DLGAP4: variants seen among roughly 807,000 people sequenced by gnomAD.
The protein encoded by DLGAP4 is disks large-associated protein 4.
A neutral mutation model predicts 86.9 loss-of-function variants in DLGAP4; 18 were observed. The ratio of observed to expected loss-of-function variants is 0.21; its 90% CI spans 0.14 to 0.31. The LOEUF (loss-of-function observed/expected upper bound fraction) is 0.31. DLGAP4 is among the 10% of genes least tolerant of loss of function. DLGAP4 has a pLI of 1.00. For synonymous variants in DLGAP4, 548 were observed against 574.3 expected (o/e 0.95, Z 0.65); for missense variants, 1,085 against 1,362.6 (o/e 0.80, Z 3.21).
At chr20:36,380,625 GAGAGAGAGAGAGAGAGAGAGAGAGAGA>G (rs1569479305) in intron 2 of DLGAP4, among the ~76,000 whole-genome samples, 4 of 92,878 alleles carry the variant, frequency 4.3e-5, no homozygotes, top group Non-Finnish European at 9.1e-5. Context: ...GAGAGAGAGA[GAGAGAGAGAGAGAGAGAGAGAGAGAGA>G]GAGAGAGAGA....
intron 7 of DLGAP4, among the ~76,000 whole-genome samples, chr20:36,490,735 G>A (rs986642867): frequency 1.3e-5 from 2 of 152,194 alleles, no homozygotes; most frequent in African/African-American, 4.8e-5. Context: ...GCAGGCATGA[G>A]GCCCGTGTTA....
chr20:36,344,725 T>TG, intron 1 of DLGAP4, among the ~76,000 whole-genome samples: 1 of 152,224 alleles, frequency 6.6e-6, no homozygotes, highest in East Asian at 1.9e-4. Context: ...CAGCTCCCAG[T>TG]GGACCTGGGC....
chr20:36,378,685 T>C (rs1266214185), intron 2 of DLGAP4, among the ~76,000 whole-genome samples: 1 of 151,862 alleles, frequency 6.6e-6, no homozygotes, highest in Non-Finnish European at 1.5e-5. Context: ...AGTCTGGAGT[T>C]GCCCTCTGCT....
At chr20:36,459,536 A>T (rs2033966847) in intron 7 of DLGAP4, among the ~76,000 whole-genome samples, 1 of 152,090 alleles carries the variant, frequency 6.6e-6, no homozygotes, top group South Asian at 2.1e-4. Flanking sequence ...ATGCCACCAC[A>T]CCCAGCTAAT....
In DLGAP4 at chr20:36,432,641, G is replaced by T; in HGVS notation, c.924G>T (p.Lys308Asn). ...GCCACGCCCACGAGGTCTGCCAGAA[G>T]ACCTCAGCCACCTTGGATAAGAGCC... ...TLSHAHEVCQ[K>N]TSATLDKSLL... Residue 308 changes from lysine to asparagine, a missense_variant, in exon 3 of 13, where the codon AAG becomes AAT. Coordinates refer to ENST00000339266, the MANE Select transcript of DLGAP4 (RefSeq NM_001365621.2). This position sits in a 1 kb window ranked among gnomAD's most constrained non-coding sequence, Gnocchi z 6.5. The T allele has an allele frequency of 6.2e-7, 1 of 1,613,148 alleles. No homozygotes were observed. The highest frequency in any genetic ancestry group is 8.5e-7 in the Non-Finnish European group (1 of 1,179,698).
intron 1 of DLGAP4, among the ~76,000 whole-genome samples, chr20:36,318,108 A>T (rs1244375645): frequency 0.023 from 81 of 3,486 alleles, no homozygotes; most frequent in Non-Finnish European, 0.15. Context: ...GTGTCCTCTC[A>T]CACACACACA....
chr20:36,462,615 T>C (rs1468992926), intron 7 of DLGAP4: 25 of 1,589,316 alleles, frequency 1.6e-5, no homozygotes, highest in Admixed American at 1.8e-5. Context: ...TGGTGGGGTG[T>C]CCGGGTCGGG....
At chr20:36,409,034 C>CT (rs35210861) in intron 2 of DLGAP4, among the ~76,000 whole-genome samples, 59,476 of 111,214 alleles carry the variant, frequency 0.53, 17,068 homozygotes, top group South Asian at 0.6. Flanking sequence ...AAATAAAAGG[C>CT]TTTTTTTTTT....
chr20:36,360,209 A>C (rs2030468861), intron 1 of DLGAP4, among the ~76,000 whole-genome samples: 1 of 152,342 alleles, frequency 6.6e-6, no homozygotes, highest in Non-Finnish European at 1.5e-5. Context: ...CACTGAGGCC[A>C]GTTGTCCAAG....
intron 2 of DLGAP4, among the ~76,000 whole-genome samples, chr20:36,382,714 G>C (rs1159864201): frequency 1.3e-5 from 2 of 151,694 alleles, no homozygotes; most frequent in Non-Finnish European, 2.9e-5. Context: ...ATTTTTAGTA[G>C]AGACAGGGTT....
intron 2 of DLGAP4, among the ~76,000 whole-genome samples, chr20:36,379,337 G>C (rs545179492): frequency 2.6e-5 from 4 of 152,200 alleles, no homozygotes; most frequent in Non-Finnish European, 5.9e-5. Context: ...CTGTCAGGGG[G>C]AAGAGATGGA....
intron 2 of DLGAP4, among the ~76,000 whole-genome samples, chr20:36,420,976 AG>A (rs1318236923): frequency 6.6e-6 from 1 of 151,744 alleles, no homozygotes; most frequent in Non-Finnish European, 1.5e-5. Flanking sequence ...CTCTGTCTCA[AG>A]AAAAAAAAAA....
At chr20:36,430,798 T>C (rs555931547) in intron 2 of DLGAP4, among the ~76,000 whole-genome samples, 1 of 151,034 alleles carries the variant, frequency 6.6e-6, no homozygotes, top group Non-Finnish European at 1.5e-5. Context: ...CTACTAAAAA[T>C]ACAAAAATTA....
Position 36,432,226 on chromosome 20 carries a change from A to C in DLGAP4, c.509A>C (p.Lys170Thr). Residue 170 changes from lysine to threonine, a missense_variant, in exon 3 of 13, where the codon AAG (lysine) becomes ACG (threonine). Physicochemically the swap from Lys to Thr is moderately conservative, Grantham distance 78. Around this residue, in one of 2 missense-constraint regions of DLGAP4, gnomAD observed 1,082 missense variants for 1,344.1 expected, o/e 0.81. Coordinates refer to ENST00000339266, the MANE Select transcript of DLGAP4 (RefSeq NM_001365621.2). The surrounding 1 kb of genome is among the most constrained non-coding windows in gnomAD (Gnocchi z 6.5). Reference protein sequence around the residue: ...TAGKVGGNGSKKGGMEDGKGR... With the variant: ...TAGKVGGNGSTKGGMEDGKGR... ...GGCAAGGTCGGTGGCAATGGCAGCA[A>C]GAAGGGTGGCATGGAGGACGGCAAG... The C allele has an allele frequency of 6.2e-7, 1 of 1,613,976 alleles. No homozygotes were observed. Among genetic ancestry groups the C allele is most frequent in the Non-Finnish European group, 8.5e-7 (1 of 1,179,982 alleles).
At chr20:36,404,656 T>C (rs996871287) in intron 2 of DLGAP4, among the ~76,000 whole-genome samples, 2 of 152,202 alleles carry the variant, frequency 1.3e-5, no homozygotes, top group African/African-American at 4.8e-5. Flanking sequence ...ATAGATGGTG[T>C]TTCTGTGTGT....
chr20:36,519,159 G>C (rs2037218409), intron 10 of DLGAP4, among the ~76,000 whole-genome samples: 1 of 151,706 alleles, frequency 6.6e-6, no homozygotes, highest in Non-Finnish European at 1.5e-5. Context: ...CACTCCTGTA[G>C]TCCTAGCTAC....
At chr20:36,496,680 C>CT in intron 7 of DLGAP4, 25 bp from the exon 8 acceptor site, 1 of 1,583,750 alleles carries the variant, frequency 6.3e-7, no homozygotes, top group Non-Finnish European at 8.6e-7. Context: ...CACCTCTCCC[C>CT]TGCCCTTCTC....
intron 6 of DLGAP4, among the ~76,000 whole-genome samples, chr20:36,444,208 T>C (rs2033529920): frequency 6.6e-6 from 1 of 152,242 alleles, no homozygotes. Flanking sequence ...TACTGTACAG[T>C]AGAACTTTCT....
chr20:36,330,681 T>G (rs1016286592), intron 1 of DLGAP4, among the ~76,000 whole-genome samples: 24 of 151,626 alleles, frequency 1.6e-4, no homozygotes, highest in Admixed American at 1.6e-3. Flanking sequence ...CAAGCAATTC[T>G]CCTGCCTCAG....
Sources: gnomAD v4.1 joint callset for allele counts (sites outside exome capture counted in the v4.1 genomes callset) on GRCh38, gnomAD v4.1.1 for gene constraint, gnomAD v4.1.1 regional missense constraint, Gnocchi (gnomAD v3.1) non-coding constraint, MANE v1.5 for transcripts, NCBI Gene and HGNC (gene_info 2026-07-23, HGNC 2026-07-21) for gene names.